Variants in PHF20 observed in about 807,000 individuals in gnomAD.
PHF20 encodes PHD finger protein 20.
In PHF20, 23 loss-of-function variants were observed where a neutral mutation model predicts 113.5. That is an observed-to-expected ratio of 0.20 (90% confidence interval 0.15 to 0.29). The LOEUF (loss-of-function observed/expected upper bound fraction) is 0.29. Among genes scored for constraint, PHF20 ranks in the 10% least tolerant of loss-of-function variants. The pLI is 1.00. For missense variants in PHF20, 943 were observed against 1,219.6 expected, an observed-to-expected ratio of 0.77 and a Z score of 3.38; for synonymous variants, 434 against 457.3, an observed-to-expected ratio of 0.95 and a Z score of 0.65.
At chr20:35,891,894 A>T (rs2054872111) in intron 9 of PHF20, among the ~76,000 whole-genome samples, 1 of 151,808 alleles carries the variant, frequency 6.6e-6, no homozygotes, top group Non-Finnish European at 1.5e-5. Context: ...TTTGAGACAG[A>T]GTTTGTCACT....
At chr20:35,940,609 T>G (rs2055958926) in intron 16 of PHF20, among the ~76,000 whole-genome samples, 1 of 152,192 alleles carries the variant, frequency 6.6e-6, no homozygotes, top group Non-Finnish European at 1.5e-5. Context: ...GAGGCTTACT[T>G]TAGGCTAGGA....
At chr20:35,893,926 G>A (rs530443365) in intron 9 of PHF20, among the ~76,000 whole-genome samples, 2 of 152,318 alleles carry the variant, frequency 1.3e-5, no homozygotes, top group Non-Finnish European at 2.9e-5. Context: ...AACATGTACT[G>A]TTATTTATGT....
chr20:35,791,459 ATCTATCT>A (rs1569120198), intron 1 of PHF20, among the ~76,000 whole-genome samples: 1 of 135,390 alleles, frequency 7.4e-6, no homozygotes, highest in East Asian at 2.0e-4. Flanking sequence ...CTATCTATCT[ATCTATCT>A]ATCTATCTAT....
Position 35,947,759 on chromosome 20 carries a change from G to T in PHF20, c.*132G>T. ...CTGACTTCAGGGATCTGGGCCAGGA[G>T]TGTGGTGGACATTGGACAAAGAGGC... On this transcript the variant is annotated 3_prime_UTR_variant, in exon 18 of 18. Coordinates refer to ENST00000374012, the MANE Select transcript of PHF20 (RefSeq NM_016436.5). 2 of 970,840 alleles carry T rather than the reference G, an allele frequency of 2.1e-6. No homozygotes were observed. The highest frequency in any genetic ancestry group is 2.6e-5 in the East Asian group (1 of 38,022). 60.1% of individuals were successfully genotyped at this position (970,840 alleles called of 1,614,324 possible).
chr20:35,871,007 G>A lies in PHF20; in HGVS notation c.975G>A (p.Arg325=). 1 of 1,610,698 alleles carries A rather than the reference G, an allele frequency of 6.2e-7. No homozygotes were observed. Among genetic ancestry groups the A allele is most frequent in the Non-Finnish European group, 8.5e-7 (1 of 1,179,200 alleles). ...AAAACACTGACAAAGACTTATCGAG[G>A]AGACGTTCCTCCAGGCTGTCCACTA... ...YSENTDKDLS[R]RRSSRLSTNG... The change falls in exon 8 of 18, where the codon AGG becomes AGA. Residue 325 remains arginine, a synonymous_variant. Coordinates refer to ENST00000374012, the MANE Select transcript of PHF20 (RefSeq NM_016436.5).
intron 2 of PHF20, among the ~76,000 whole-genome samples, chr20:35,824,768 C>T (rs774779374): frequency 6.6e-6 from 1 of 152,156 alleles, no homozygotes; most frequent in Non-Finnish European, 1.5e-5. Context: ...CCTATTTCCT[C>T]CCTGCCCTTC....
chr20:35,926,230 A>ATT, intron 13 of PHF20, among the ~76,000 whole-genome samples: 248 of 53,018 alleles, frequency 4.7e-3, no homozygotes, highest in Non-Finnish European at 5.9e-3. Context: ...ACAGACTTTC[A>ATT]TTTTTTTTTT....
intron 10 of PHF20, among the ~76,000 whole-genome samples, chr20:35,911,080 G>T (rs775207224): frequency 2.0e-5 from 3 of 151,698 alleles, no homozygotes; most frequent in African/African-American, 7.3e-5. Flanking sequence ...TTGCACTGTC[G>T]CCCAGGCTGG....
At chr20:35,841,676 A>T (rs2042537724) in intron 2 of PHF20, among the ~76,000 whole-genome samples, 1 of 152,080 alleles carries the variant, frequency 6.6e-6, no homozygotes, top group Non-Finnish European at 1.5e-5. Flanking sequence ...AAGCTGAGGC[A>T]GGAGAATCAC....
intron 17 of PHF20, among the ~76,000 whole-genome samples, chr20:35,942,944 C>T (rs1363124156): frequency 1.3e-5 from 2 of 152,096 alleles, no homozygotes; most frequent in East Asian, 3.9e-4. Flanking sequence ...CTGCCTCAGC[C>T]TCCCGCGTAG....
At chr20:35,798,683 A>G (rs2041717084) in intron 1 of PHF20, among the ~76,000 whole-genome samples, 1 of 150,882 alleles carries the variant, frequency 6.6e-6, no homozygotes, top group Non-Finnish European at 1.5e-5. Flanking sequence ...CAAACTCCTG[A>G]CCTCAGGTGA....
chr20:35,795,074 C>T (rs1001407016), intron 1 of PHF20, among the ~76,000 whole-genome samples: 1 of 151,840 alleles, frequency 6.6e-6, no homozygotes, highest in African/African-American at 2.4e-5. Flanking sequence ...CTCCTGTAAT[C>T]CCAGCTACTT....
At chr20:35,862,500 G>A (rs2054235315) in intron 5 of PHF20, among the ~76,000 whole-genome samples, 1 of 152,196 alleles carries the variant, frequency 6.6e-6, no homozygotes, top group East Asian at 1.9e-4. Context: ...GGCTGAGGCA[G>A]GAGGATTGCT....
At chr20:35,850,013 TAAC>T (rs2042690893) in intron 4 of PHF20, among the ~76,000 whole-genome samples, 6 of 152,158 alleles carry the variant, frequency 3.9e-5, no homozygotes, top group Admixed American at 3.9e-4. Context: ...CAGAACTAAA[TAAC>T]AACTTTAGTT....
At chr20:35,824,040 G>T (rs1257270779) in intron 2 of PHF20, among the ~76,000 whole-genome samples, 1 of 152,148 alleles carries the variant, frequency 6.6e-6, no homozygotes, top group African/African-American at 2.4e-5. Flanking sequence ...TTTATATATA[G>T]GTTTTTATGA....
intron 4 of PHF20, among the ~76,000 whole-genome samples, chr20:35,854,129 C>G (rs992278151): frequency 2.0e-5 from 3 of 152,202 alleles, no homozygotes; most frequent in Non-Finnish European, 4.4e-5. Flanking sequence ...CAACAGAAAT[C>G]TGTCCAATCC....
At chr20:35,786,057 A>C (rs6142443) in intron 1 of PHF20, among the ~76,000 whole-genome samples, 84,753 of 149,212 alleles carry the variant, frequency 0.57, 29,496 homozygotes, top group East Asian at 0.82. Context: ...AAAAAAAAAA[A>C]CAAATCTTGT....
intron 9 of PHF20, among the ~76,000 whole-genome samples, chr20:35,899,151 G>A (rs2147056660): frequency 6.6e-6 from 1 of 152,124 alleles, no homozygotes; most frequent in East Asian, 1.9e-4. Flanking sequence ...TAAACATGTT[G>A]ATTTCTTCTT....
intron 2 of PHF20, among the ~76,000 whole-genome samples, chr20:35,814,313 G>C (rs1299805442): frequency 6.6e-6 from 1 of 151,692 alleles, no homozygotes; most frequent in East Asian, 2.0e-4. Context: ...TGCCTCCCTA[G>C]TTCAAGCAAT....
Sources: gnomAD v4.1 joint callset for allele counts (sites outside exome capture counted in the v4.1 genomes callset) on GRCh38, gnomAD v4.1.1 for gene constraint, MANE v1.5 for transcripts, NCBI Gene and HGNC (gene_info 2026-07-23, HGNC 2026-07-21) for gene names.